Variants in TM4SF1 observed in about 807,000 individuals in gnomAD.
TM4SF1 encodes transmembrane 4 L6 family member 1.
In TM4SF1, 20 loss-of-function variants were observed where a neutral mutation model predicts 24.5. That is an observed-to-expected ratio of 0.82 (90% confidence interval 0.57 to 1.19). TM4SF1 has a LOEUF of 1.19. Among genes scored for constraint, TM4SF1 ranks in the 50% most tolerant of loss-of-function variants. TM4SF1 has a pLI of 0.00. For synonymous variants in TM4SF1, 107 were observed against 95.4 expected (o/e 1.12, Z -0.71); for missense variants, 258 against 248.1 (o/e 1.04, Z -0.27).
chr3:149,376,080 T>C (rs893992373), intron 1 of TM4SF1, among the ~76,000 whole-genome samples: 3 of 152,214 alleles, frequency 2.0e-5, no homozygotes, highest in African/African-American at 4.8e-5. Context: ...ACAAACTCTG[T>C]TTTGGAAATA....
intron 3 of TM4SF1, 62 bp from the exon 4 acceptor site, chr3:149,371,929 A>G: frequency 6.6e-7 from 1 of 1,509,676 alleles, no homozygotes; most frequent in African/African-American, 1.4e-5. Flanking sequence ...TTCATAAACT[A>G]CTTTTGTTTG....
chr3:149,377,522 C>A lies in TM4SF1; in HGVS notation c.26G>T (p.Cys9Phe). 2 of 1,613,868 alleles carry A rather than the reference C, an allele frequency of 1.2e-6. No individual in the cohort carries two copies. Among genetic ancestry groups the A allele is most frequent in the Non-Finnish European group, 1.7e-6 (2 of 1,179,974 alleles). Residue 9 changes from cysteine to phenylalanine, a missense_variant, in exon 1 of 5, where the codon TGC becomes TTC. Transcript: ENST00000305366. MCYGKCAR[C>F]IGHSLVGLAL... ...GAGCCCCACCAGAGAATGTCCGATG[C>A]ATCGTGCACACTTCCCATAGCACAT...
In TM4SF1 at chr3:149,371,727, A is replaced by T. The variant is rs770034961; in HGVS notation, c.554T>A (p.Val185Glu). ...GCAAAAGCCACATATGCCTCCAAGC[A>T]CTCCATTTATTACTTGAATAAGACA... is the stretch of plus-strand genomic sequence containing the variant. ...ILCLIQVING[V>E]LGGICGFCCS... is the part of the protein sequence containing the mutation. Residue 185 changes from valine (V) to glutamate (E), a missense_variant, in exon 4 of 5, where the codon GTG becomes GAG. Coordinates refer to ENST00000305366, the MANE Select transcript of TM4SF1 (RefSeq NM_014220.3). 9.9e-6 allele frequency: 16 copies of T among 1,614,150 alleles called. No individual in the cohort carries two copies. In the South Asian group the frequency reaches 1.4e-4, roughly 14 times the overall value.
chr3:149,371,640 A>T (rs1483140437), intron 4 of TM4SF1, 47 bp downstream of exon 4: 1 of 1,603,604 alleles, frequency 6.2e-7, no homozygotes, highest in Admixed American at 1.7e-5. Context: ...AAACAATGGT[A>T]TATTAACACC....
chr3:149,377,460 A>T lies in TM4SF1; in HGVS notation c.88T>A (p.Phe30Ile). 6.2e-7 allele frequency: 1 copy of T among 1,614,202 alleles called. No homozygotes were observed. The highest frequency in any genetic ancestry group is 8.5e-7 in the Non-Finnish European group (1 of 1,180,040). The change falls in exon 1 of 5, where the codon TTT becomes ATT. Residue 30 changes from phenylalanine to isoleucine, a missense_variant. Phe to Ile is a conservative substitution (Grantham distance 21, BLOSUM62 0). Coordinates refer to ENST00000305366, the MANE Select transcript of TM4SF1 (RefSeq NM_014220.3). ...GCATACTTTGTTTCCCCATTGGGAAAGTAAAGCAAAATATTAGCCGCGATG... is the reference window on the plus strand; with the variant it reads ...GCATACTTTGTTTCCCCATTGGGAATGTAAAGCAAAATATTAGCCGCGATG... ...LCIAANILLY[F>I]PNGETKYASE...
In TM4SF1 at chr3:149,371,861, AAGGTACC is replaced by A; in HGVS notation, c.414-1_419del. The A allele has an allele frequency of 6.2e-7, 1 of 1,614,078 alleles. No individual in the cohort carries two copies. The highest frequency in any genetic ancestry group is 8.5e-7 in the Non-Finnish European group (1 of 1,179,986). On this transcript the variant is annotated splice_acceptor_variant and coding_sequence_variant, in exon 4 of 5. Transcript: ENST00000305366. LOFTEE classifies it high-confidence loss of function. ...ACTCGGACCATGTGGAGGTATCCAG[AAGGTACC>A]TGTGGGTAAAAAGAGAAACTTCTGA...
intron 3 of TM4SF1, 66 bp from the exon 4 acceptor site, chr3:149,371,933 T>C: frequency 6.7e-7 from 1 of 1,489,242 alleles, no homozygotes; most frequent in East Asian, 2.4e-5. Context: ...TAAACTACTT[T>C]TGTTTGGTGG....
intron 3 of TM4SF1, among the ~76,000 whole-genome samples, chr3:149,373,309 C>G (rs1731873916): frequency 6.6e-6 from 1 of 152,110 alleles, no homozygotes; most frequent in Admixed American, 6.5e-5. Flanking sequence ...TTATAAATAC[C>G]TGGATATTCT....
intron 4 of TM4SF1, 153 bp from the exon 5 acceptor site, chr3:149,370,033 C>A: frequency 5.3e-6 from 5 of 941,750 alleles, no homozygotes; most frequent in Non-Finnish European, 7.7e-6. Context: ...GGACAATGCT[C>A]ACAAAATGTT....
At position 149,375,432 on chromosome 3, in the gene TM4SF1, T is replaced by A. The variant is rs748908417; in HGVS notation, c.413+11A>T. ...TAAAAATGTGTAGCCATGTAGAGAG[T>A]AATTACATACTGGCCCTCAGTGCTG... On this transcript the variant is annotated intron_variant, in intron 3 of 4. Coordinates refer to ENST00000305366, the MANE Select transcript of TM4SF1 (RefSeq NM_014220.3). The A allele has an allele frequency of 1.2e-6, 2 of 1,613,958 alleles. No homozygotes were observed. Among genetic ancestry groups the A allele is most frequent in the Admixed American group, 3.3e-5 (2 of 60,022 alleles).
chr3:149,373,607 C>T (rs1731882021), intron 3 of TM4SF1, among the ~76,000 whole-genome samples: 1 of 152,160 alleles, frequency 6.6e-6, no homozygotes, highest in Non-Finnish European at 1.5e-5. Context: ...TGTCTTTCTG[C>T]ATGTCAGCAG....
intron 1 of TM4SF1, 117 bp downstream of exon 1, chr3:149,377,253 AG>A: frequency 7.8e-7 from 1 of 1,288,938 alleles, no homozygotes; most frequent in South Asian, 1.5e-5. Flanking sequence ...AGGAATGAAC[AG>A]CAACAAAAAA....
chr3:149,377,128 G>A (rs1217165526), intron 1 of TM4SF1, among the ~76,000 whole-genome samples: 2 of 152,114 alleles, frequency 1.3e-5, no homozygotes, highest in African/African-American at 4.8e-5. Flanking sequence ...CCTACCTATA[G>A]AGTTTAGCAA....
rs1731776061 is a variant in TM4SF1 at position 149,369,781 on chromosome 3, C to T, written c.*85G>A. On this transcript the variant is annotated 3_prime_UTR_variant, in exon 5 of 5. Transcript: ENST00000305366. ...CTGTGGGGAGTATGTTACACTAATA[C>T]AAAGTTTTACAAATGAATACAAGTG... The T allele has an allele frequency of 4.5e-6, 7 of 1,572,050 alleles. No homozygotes were observed. Among genetic ancestry groups the T allele is most frequent in the Non-Finnish European group, 6.1e-6 (7 of 1,151,012 alleles).
In TM4SF1 at chr3:149,375,676, C is replaced by T; in HGVS notation, c.267+4G>A. 1 of 1,614,198 alleles carries T rather than the reference C, an allele frequency of 6.2e-7. No homozygotes were observed. Among genetic ancestry groups the T allele is most frequent in the South Asian group, 1.1e-5 (1 of 91,076 alleles). ...ATTTTCACCACCAGGGCAGGAGGAC[C>T]TACCGCACATCGTTTGCCACAGTTT... is the stretch of plus-strand genomic sequence containing the variant. On this transcript the variant is annotated splice_donor_region_variant and intron_variant, in intron 2 of 4. Transcript: ENST00000305366.
chr3:149,370,503 A>T (rs1731796321), intron 4 of TM4SF1: 1 of 152,312 alleles, frequency 6.6e-6, no homozygotes, highest in Non-Finnish European at 1.5e-5. Context: ...TAGTACAAGT[A>T]ATCACTTACT....
chr3:149,369,726 C>T lies in TM4SF1; in HGVS notation c.*140G>A, dbSNP rs1187572142. The T allele has an allele frequency of 1.1e-6, 1 of 937,058 alleles. No individual in the cohort carries two copies. The highest frequency in any genetic ancestry group is 1.6e-6 in the Non-Finnish European group (1 of 620,160). The allele number at this position is 937,058 out of a possible 1,614,324, so 58.0% of individuals were successfully genotyped here. A position where few individuals can be genotyped will look rare whatever the true frequency, so the allele number is the denominator to read the frequency against. On this transcript the variant is annotated 3_prime_UTR_variant, in exon 5 of 5. Transcript: ENST00000305366. Reference sequence around the variant, plus strand: ...TAAACACTGACATCCTGTGAAGATGCCAGTCTTTACAGGCGTTTGTAAAAG... The same window carrying T: ...TAAACACTGACATCCTGTGAAGATGTCAGTCTTTACAGGCGTTTGTAAAAG...
At position 149,377,394 on chromosome 3, in the gene TM4SF1, CA is replaced by C; in HGVS notation, c.153del (p.Gly52AlafsTer3). 6.2e-7 allele frequency: 1 copy of C among 1,613,960 alleles called. No homozygotes were observed. On this transcript the variant is annotated frameshift_variant, in exon 1 of 5. Coordinates refer to ENST00000305366, the MANE Select transcript of TM4SF1 (RefSeq NM_014220.3). LOFTEE classifies it high-confidence loss of function. ...ACCAGCAGGCCACCTCCTACGATGC[CA>C]GAAAAGAACCACACGAAGCGGCTGA... is the stretch of plus-strand genomic sequence containing the variant. ...NHLSRFVWFF[S>X]GIVGGGLLML...
intron 3 of TM4SF1, among the ~76,000 whole-genome samples, chr3:149,374,851 A>G (rs900400889): frequency 6.6e-6 from 1 of 152,176 alleles, no homozygotes; most frequent in African/African-American, 2.4e-5. Flanking sequence ...AGTAAAATGT[A>G]TTACACTTAA....
Sources: gnomAD v4.1 joint callset for allele counts (sites outside exome capture counted in the v4.1 genomes callset) on GRCh38, gnomAD v4.1.1 for gene constraint, MANE v1.5 for transcripts, NCBI Gene and HGNC (gene_info 2026-07-23, HGNC 2026-07-21) for gene names.